ACTN2: variants seen among roughly 807,000 people sequenced by gnomAD.
The protein encoded by ACTN2 is actinin alpha 2.
ACTN2 carries 39 observed loss-of-function variants against 113.8 expected under a neutral mutation model. That is an observed-to-expected ratio of 0.34 (90% CI 0.27 to 0.45). ACTN2 has a LOEUF of 0.45. Ranked by LOEUF, ACTN2 falls within the 20% of genes least tolerant of loss-of-function variation. The probability of loss-of-function intolerance (pLI) is 1.00; values close to 1 mark genes in which losing one functional copy is unlikely to be tolerated. For synonymous variants in ACTN2, 429 were observed against 444.1 expected, an observed-to-expected ratio of 0.97 and a Z score of 0.43; for missense variants, 992 against 1,177.9, an observed-to-expected ratio of 0.84 and a Z score of 2.31.
chr1:236,734,369 G>C lies in ACTN2; in HGVS notation c.698-1266G>C. 4 of 1,163,804 alleles carry C rather than the reference G, an allele frequency of 3.4e-6. No homozygotes were observed. The South Asian group carries it at 5.7e-5, about 17-fold the overall frequency. 72.1% of individuals were successfully genotyped at this position (1,163,804 alleles called of 1,614,324 possible). A position where few individuals can be genotyped will look rare whatever the true frequency, so the allele number is the denominator to read the frequency against. On this transcript the variant is annotated intron_variant, in intron 7 of 20. Transcript: ENST00000366578. ...TCCTGATTCCAACACCTCTGAGGAAGTGCTTAGCAGAAGCCTGCTGGTATT... is the reference window on the plus strand; with the variant it reads ...TCCTGATTCCAACACCTCTGAGGAACTGCTTAGCAGAAGCCTGCTGGTATT...
At chr1:236,753,869 G>C in intron 15 of ACTN2, 78 bp from the exon 16 acceptor site, 1 of 1,250,286 alleles carries the variant, frequency 8.0e-7, no homozygotes, top group Non-Finnish European at 1.1e-6. Context: ...CCACCCCTTG[G>C]ACTATTCCCG....
intron 1 of ACTN2, among the ~76,000 whole-genome samples, chr1:236,716,183 C>T (rs372306130): frequency 3.4e-4 from 52 of 150,734 alleles, no homozygotes; most frequent in African/African-American, 1.2e-3. Context: ...TTTGAAAATC[C>T]TCTTTATCAC....
At chr1:236,728,852 C>G (rs1033773338) in intron 6 of ACTN2, among the ~76,000 whole-genome samples, 19 of 152,088 alleles carry the variant, frequency 1.2e-4, no homozygotes, top group African/African-American at 4.3e-4. Flanking sequence ...TGTGATCACA[C>G]CACTGCCCTC....
At chr1:236,760,819 C>CT (rs1229207438) in intron 19 of ACTN2, among the ~76,000 whole-genome samples, 196 bp from the exon 20 acceptor site, 1 of 152,204 alleles carries the variant, frequency 6.6e-6, no homozygotes, top group Non-Finnish European at 1.5e-5. Flanking sequence ...GCTCCAGCAA[C>CT]TTTTAAAATT....
intron 9 of ACTN2, 72 bp downstream of exon 9, chr1:236,737,286 A>G: frequency 1.9e-6 from 1 of 522,304 alleles, no homozygotes; most frequent in South Asian, 1.5e-5. Context: ...GTGAAAAAAT[A>G]CTCCGTGGGG....
At chr1:236,758,344 G>A (rs1346324331) in intron 18 of ACTN2, among the ~76,000 whole-genome samples, 2 of 149,976 alleles carry the variant, frequency 1.3e-5, no homozygotes, top group South Asian at 4.2e-4. Flanking sequence ...GGAGTGCAGT[G>A]GCATGATCTC....
intron 1 of ACTN2, among the ~76,000 whole-genome samples, chr1:236,709,344 G>GTATATATATA (rs143270971): frequency 1.0e-4 from 14 of 133,890 alleles, no homozygotes; most frequent in African/African-American, 3.5e-4. Flanking sequence ...ATATATACGT[G>GTATATATATA]TATATATATA....
chr1:236,763,107 A>C lies in ACTN2; in HGVS notation c.*488A>C, dbSNP rs1017812616. On this transcript the variant is annotated 3_prime_UTR_variant, in exon 21 of 21. Transcript: ENST00000366578. Reference sequence around the variant, plus strand: ...TTTGGGATTCTAATGTTTTATTTTCATGCTTATCCAAAGATTACTATTGTA... The same window carrying C: ...TTTGGGATTCTAATGTTTTATTTTCCTGCTTATCCAAAGATTACTATTGTA... 1.1e-5 allele frequency: 2 copies of C among 178,902 alleles called. No individual in the cohort carries two copies. Among genetic ancestry groups the C allele is most frequent in the Admixed American group, 1.1e-4 (2 of 18,214 alleles). The allele number at this position is 178,902 out of a possible 1,614,324, so 11.1% of individuals were successfully genotyped here.
Position 236,748,986 on chromosome 1 carries a change from G to A in ACTN2, c.1516-138G>A, listed in dbSNP as rs2297956. 898,235 of 980,696 alleles carry A rather than the reference G, an allele frequency of 0.92. 411,626 individuals carry two copies. The highest frequency in any genetic ancestry group is 0.94 in the South Asian group (67,268 of 71,564). 60.7% of individuals were successfully genotyped at this position (980,696 alleles called of 1,614,324 possible). ...GGCTCAGCCTAATTGTTTGAGCATCGGGTAATCTTTTGTAGACACATGCTA... is the reference window on the plus strand; with the variant it reads ...GGCTCAGCCTAATTGTTTGAGCATCAGGTAATCTTTTGTAGACACATGCTA... On this transcript the variant is annotated intron_variant, in intron 13 of 20. Coordinates refer to ENST00000366578, the MANE Select transcript of ACTN2 (RefSeq NM_001103.4).
chr1:236,705,798 CG>C lies in ACTN2; in HGVS notation c.127-12056del, dbSNP rs1173554891. ...GGTCATTCCTCAAACCAGTATTAGT[CG>C]GGGCTAGATTTGGCTTTGTTGAAAA... On this transcript the variant is annotated intron_variant, in intron 1 of 20. Transcript: ENST00000366578. Among the ~76,000 whole-genome samples the C allele has an allele frequency of 2.6e-5, 4 of 152,248 alleles. No individual in the cohort carries two copies. In the East Asian group the frequency reaches 7.7e-4, roughly 29 times the overall value.
chr1:236,695,846 G>A (rs1252570305), intron 1 of ACTN2, among the ~76,000 whole-genome samples: 3 of 152,138 alleles, frequency 2.0e-5, no homozygotes, highest in Admixed American at 6.5e-5. Context: ...ATTTGTTTTT[G>A]CTAGGGGGTA....
chr1:236,698,082 TTA>T (rs1188598848), intron 1 of ACTN2, among the ~76,000 whole-genome samples: 2 of 152,050 alleles, frequency 1.3e-5, no homozygotes, highest in Non-Finnish European at 2.9e-5. Context: ...CCCAGACAAG[TTA>T]TATTTTCAAA....
rs1450692078 is a variant in ACTN2, at chr1:236,739,549, A to G, written c.1107+17A>G. ...ATGGTGTCGGTGAGTAGCAAGCGCC[A>G]AGCCCTCCTGGCGCCACGGGAAGCC... On this transcript the variant is annotated intron_variant, in intron 10 of 20. Coordinates refer to ENST00000366578, the MANE Select transcript of ACTN2 (RefSeq NM_001103.4). The G allele has an allele frequency of 6.2e-7, 1 of 1,613,436 alleles. No individual in the cohort carries two copies. Among genetic ancestry groups the G allele is most frequent in the East Asian group, 2.2e-5 (1 of 44,862 alleles).
chr1:236,724,196 G>A (rs2102902092), intron 4 of ACTN2, among the ~76,000 whole-genome samples: 1 of 151,972 alleles, frequency 6.6e-6, no homozygotes, highest in Non-Finnish European at 1.5e-5. Flanking sequence ...GGTGGGGGTG[G>A]GGGAGAACCT....
At chr1:236,753,101 G>A (rs978853924) in intron 15 of ACTN2, among the ~76,000 whole-genome samples, 2 of 152,208 alleles carry the variant, frequency 1.3e-5, no homozygotes, top group African/African-American at 4.8e-5. Flanking sequence ...ATACTCTTCT[G>A]TGGGCCAACA....
At chr1:236,721,604 C>T (rs1262473857) in intron 4 of ACTN2, among the ~76,000 whole-genome samples, 1 of 152,106 alleles carries the variant, frequency 6.6e-6, no homozygotes, top group Non-Finnish European at 1.5e-5. Flanking sequence ...ACAGTACCTT[C>T]CTTTATGCTA....
At chr1:236,709,080 T>C (rs1469271350) in intron 1 of ACTN2, among the ~76,000 whole-genome samples, 3 of 151,526 alleles carry the variant, frequency 2.0e-5, no homozygotes, top group Admixed American at 6.6e-5. Context: ...AACAGCAGTT[T>C]AACAGAGCTG....
intron 1 of ACTN2, among the ~76,000 whole-genome samples, chr1:236,710,089 C>T (rs1280728576): frequency 6.6e-6 from 1 of 152,162 alleles, no homozygotes; most frequent in East Asian, 1.9e-4. Context: ...ATTCAGGGAA[C>T]CATGTCAGAC....
At chr1:236,723,416 G>A (rs1456815538) in intron 4 of ACTN2, among the ~76,000 whole-genome samples, 1 of 152,134 alleles carries the variant, frequency 6.6e-6, no homozygotes, top group Non-Finnish European at 1.5e-5. Flanking sequence ...TCTGGGTTAT[G>A]GGTCCAAGAA....
Sources: allele counts gnomAD v4.1 joint callset (sites outside exome capture counted in the v4.1 genomes callset), GRCh38; gene constraint gnomAD v4.1.1; transcripts MANE v1.5; gene names NCBI Gene and HGNC (gene_info 2026-07-23, HGNC 2026-07-21).